SIN3A: variants seen among roughly 807,000 people sequenced by gnomAD.
SIN3A encodes the protein paired amphipathic helix protein Sin3a.
A neutral mutation model predicts 146.1 loss-of-function variants in SIN3A; 14 were observed. The observed-to-expected ratio is 0.10, with a 90% confidence interval of 0.06 to 0.15. SIN3A has a LOEUF of 0.15. Ranked by LOEUF, SIN3A falls within the 10% of genes least tolerant of loss-of-function variation. SIN3A has a pLI of 1.00. For missense variants in SIN3A, 1,028 were observed against 1,576.0 expected, an observed-to-expected ratio of 0.65 and a Z score of 5.89; for synonymous variants, 572 against 572.0, an observed-to-expected ratio of 1.00 and a Z score of 0.00.
At chr15:75,410,025 T>C in intron 7 of SIN3A, 34 bp from the exon 8 acceptor site, 1 of 1,610,664 alleles carries the variant, frequency 6.2e-7, no homozygotes, top group Non-Finnish European at 8.5e-7. Flanking sequence ...TTAATGCTCT[T>C]ATCAAAGCAA....
intron 6 of SIN3A, among the ~76,000 whole-genome samples, chr15:75,411,260 G>A (rs1410329492): frequency 6.6e-6 from 1 of 152,098 alleles, no homozygotes; most frequent in South Asian, 2.1e-4. Flanking sequence ...CCCGGGAGGC[G>A]GAGACTGCAG....
intron 3 of SIN3A, 70 bp downstream of exon 3, chr15:75,422,577 C>T (rs751044416): frequency 6.5e-7 from 1 of 1,537,144 alleles, no homozygotes; most frequent in Admixed American, 1.7e-5. Context: ...CCACCACAAC[C>T]AACAAGCTGC....
rs1354983331 is a variant in SIN3A at position 75,375,809 on chromosome 15, T to C, written c.3447A>G (p.Glu1149=). 3 of 1,614,110 alleles carry C rather than the reference T, an allele frequency of 1.9e-6. No homozygotes were observed. The African/African-American group carries it at 4.0e-5, about 22-fold the overall frequency. Residue 1149 remains glutamate (E), a synonymous_variant, in exon 20 of 21, where the codon GAA becomes GAG. Transcript: ENST00000394947. ...GREQQEKEGK[E]GNSKKTMENV... Reference sequence around the variant, plus strand: ...TCTCCATGGTCTTCTTGCTGTTTCCTTCCTTCCCTTCCTTTTCCTGCTGCT... The same window carrying C: ...TCTCCATGGTCTTCTTGCTGTTTCCCTCCTTCCCTTCCTTTTCCTGCTGCT...
chr15:75,379,787 G>A (rs2072930810), intron 19 of SIN3A, among the ~76,000 whole-genome samples: 2 of 152,212 alleles, frequency 1.3e-5, no homozygotes, highest in South Asian at 4.1e-4. Flanking sequence ...TTCTTAAACT[G>A]TTTTCATATA....
At chr15:75,440,086 G>A (rs1852900079) in intron 1 of SIN3A, among the ~76,000 whole-genome samples, 1 of 151,570 alleles carries the variant, frequency 6.6e-6, no homozygotes, top group Non-Finnish European at 1.5e-5. Context: ...GGGAGGCGGA[G>A]GTTGCAGTGA....
At chr15:75,448,210 CATT>C (rs2074341472) in intron 1 of SIN3A, 1 of 151,270 alleles carries the variant, frequency 6.6e-6, no homozygotes, top group South Asian at 2.1e-4. Context: ...GAAAAAAAGA[CATT>C]ATGCGGCCGG....
At chr15:75,429,815 A>T (rs1344341464) in intron 2 of SIN3A, among the ~76,000 whole-genome samples, 1 of 152,254 alleles carries the variant, frequency 6.6e-6, no homozygotes, top group Non-Finnish European at 1.5e-5. Context: ...TGGGGTTTTT[A>T]AAACAAAGTG....
intron 18 of SIN3A, among the ~76,000 whole-genome samples, chr15:75,381,390 G>A (rs2072965302): frequency 6.6e-6 from 1 of 152,164 alleles, no homozygotes; most frequent in Non-Finnish European, 1.5e-5. Context: ...CCTTAGAGGA[G>A]ATAGCTTTAC....
intron 9 of SIN3A, among the ~76,000 whole-genome samples, chr15:75,406,002 A>G (rs1473747842): frequency 6.6e-6 from 1 of 152,154 alleles, no homozygotes; most frequent in Non-Finnish European, 1.5e-5. Flanking sequence ...CTCCTGCAAA[A>G]AGCTCACATA....
chr15:75,400,637 A>G (rs2073393926), intron 11 of SIN3A, 93 bp downstream of exon 11: 1 of 861,384 alleles, frequency 1.2e-6, no homozygotes, highest in African/African-American at 1.7e-5. Context: ...TCTTAATTTC[A>G]TCATTCATAT....
chr15:75,391,961 G>T (rs941224999), intron 15 of SIN3A, among the ~76,000 whole-genome samples: 1 of 152,174 alleles, frequency 6.6e-6, no homozygotes, highest in Non-Finnish European at 1.5e-5. Context: ...CCAGAAATCT[G>T]CCATTTGAGA....
intron 14 of SIN3A, 39 bp from the exon 15 acceptor site, chr15:75,392,854 C>G: frequency 7.1e-7 from 1 of 1,418,312 alleles, no homozygotes; most frequent in Non-Finnish European, 9.7e-7. Flanking sequence ...TGTGAGATGT[C>G]TACAGCGACA....
At chr15:75,380,048 T>G (rs954281305) in intron 19 of SIN3A, among the ~76,000 whole-genome samples, 9 of 152,230 alleles carry the variant, frequency 5.9e-5, no homozygotes, top group African/African-American at 2.2e-4. Flanking sequence ...AAATGTGCTT[T>G]CTTTCTGAGA....
At chr15:75,454,364 G>A (rs1444485406), upstream of SIN3A, among the ~76,000 whole-genome samples, 1 of 152,116 alleles carries the variant, frequency 6.6e-6, no homozygotes, top group Non-Finnish European at 1.5e-5. Flanking sequence ...CTCCCCTGCA[G>A]GCGGGTTGCA....
At chr15:75,455,402 A>G (rs575059357), upstream of SIN3A, among the ~76,000 whole-genome samples, 1 of 151,902 alleles carries the variant, frequency 6.6e-6, no homozygotes, top group Non-Finnish European at 1.5e-5. Flanking sequence ...TTTTCTTTTT[A>G]AAAAAACGGC....
At chr15:75,396,231 G>A in intron 13 of SIN3A, 27 bp downstream of exon 13, 4 of 1,501,008 alleles carry the variant, frequency 2.7e-6, no homozygotes, top group Non-Finnish European at 2.8e-6. Flanking sequence ...GTACACTAAA[G>A]CACTAAGGGC....
chr15:75,405,020 C>G (rs1248795624), intron 9 of SIN3A, among the ~76,000 whole-genome samples: 1 of 151,636 alleles, frequency 6.6e-6, no homozygotes, highest in Admixed American at 6.6e-5. Flanking sequence ...GTGGTCTGTA[C>G]CTGCAAGTCC....
chr15:75,375,149 ATGG>A (rs2072830431), intron 20 of SIN3A, among the ~76,000 whole-genome samples: 1 of 152,138 alleles, frequency 6.6e-6, no homozygotes, highest in Non-Finnish European at 1.5e-5. Flanking sequence ...TTGGCCGGGC[ATGG>A]TGGCTCACGC....
At chr15:75,379,664 T>C (rs2072928695) in intron 19 of SIN3A, among the ~76,000 whole-genome samples, 1 of 152,230 alleles carries the variant, frequency 6.6e-6, no homozygotes, top group Admixed American at 6.5e-5. Flanking sequence ...ATGTTCTCAT[T>C]AGGACTCAAT....
Sources: gnomAD v4.1 joint callset for allele counts (sites outside exome capture counted in the v4.1 genomes callset) on GRCh38, gnomAD v4.1.1 for gene constraint, MANE v1.5 for transcripts, NCBI Gene and HGNC (gene_info 2026-07-23, HGNC 2026-07-21) for gene names.